Variants in NAA20 observed in about 807,000 individuals in gnomAD.
NAA20 encodes N-alpha-acetyltransferase 20, NatB catalytic subunit, also known as N-alpha-acetyltransferase 20.
In NAA20, 24 loss-of-function variants were observed where a neutral mutation model predicts 23.8. The ratio of observed to expected loss-of-function variants is 1.01; its 90% CI spans 0.73 to 1.42. The LOEUF (loss-of-function observed/expected upper bound fraction) is 1.42. Ranked by LOEUF, NAA20 falls within the 40% of genes most tolerant of loss-of-function variation. NAA20 has a pLI of 0.00. For synonymous variants in NAA20, 83 were observed against 77.7 expected, an observed-to-expected ratio of 1.07 and a Z score of -0.36; for missense variants, 166 against 223.1, an observed-to-expected ratio of 0.74 and a Z score of 1.63.
chr20:20,032,096 T>C (rs1465210272), intron 4 of NAA20, among the ~76,000 whole-genome samples: 3 of 149,010 alleles, frequency 2.0e-5, no homozygotes, highest in Non-Finnish European at 4.4e-5. Context: ...GAATGACTTG[T>C]GCACAAGCCC....
chr20:20,027,024 C>A (rs773680905), intron 4 of NAA20, 105 bp downstream of exon 4: 4 of 1,384,896 alleles, frequency 2.9e-6, no homozygotes, highest in Non-Finnish European at 4.0e-6. Context: ...ACAGGAATTT[C>A]ATCTTCCATC....
chr20:20,019,960 A>T (rs2043256653), intron 1 of NAA20, among the ~76,000 whole-genome samples: 1 of 152,210 alleles, frequency 6.6e-6, no homozygotes, highest in Admixed American at 6.5e-5. Context: ...CTCAGATTAG[A>T]TGATGCAGTT....
At chr20:20,029,487 C>T (rs988219478) in intron 4 of NAA20, among the ~76,000 whole-genome samples, 2 of 151,662 alleles carry the variant, frequency 1.3e-5, no homozygotes, top group Non-Finnish European at 2.9e-5. Context: ...TGTGGTAGCA[C>T]GTGACTGTAA....
chr20:20,024,248 G>A (rs1240168090), intron 2 of NAA20, among the ~76,000 whole-genome samples: 1 of 152,218 alleles, frequency 6.6e-6, no homozygotes, highest in Admixed American at 6.5e-5. Context: ...AGATGGTTAA[G>A]TAAATTAAGC....
intron 4 of NAA20, 139 bp downstream of exon 4, chr20:20,027,058 T>C: frequency 2.5e-6 from 3 of 1,202,030 alleles, no homozygotes; most frequent in Non-Finnish European, 3.5e-6. Context: ...AGAACAATTC[T>C]ATCACATAGT....
At chr20:20,029,243 A>G (rs575903844) in intron 4 of NAA20, among the ~76,000 whole-genome samples, 1 of 152,350 alleles carries the variant, frequency 6.6e-6, no homozygotes, top group South Asian at 2.1e-4. Context: ...AAGTTAGAAT[A>G]CTTATTAATA....
At chr20:20,025,946 G>A (rs767413730) in intron 3 of NAA20, among the ~76,000 whole-genome samples, 179 bp downstream of exon 3, 10 of 151,992 alleles carry the variant, frequency 6.6e-5, no homozygotes, top group Admixed American at 2.6e-4. Flanking sequence ...AGGCGATAAC[G>A]GCAGTGAACC....
chr20:20,018,698 G>A (rs1385607772), intron 1 of NAA20: 1 of 158,882 alleles, frequency 6.3e-6, no homozygotes, highest in African/African-American at 2.4e-5. Context: ...AGAATTTTCT[G>A]TTGGGCCAGT....
rs1255867009 is a variant in NAA20 at position 20,033,116 on chromosome 20, C to G, written c.466C>G (p.Leu156Val). The change falls in exon 6 of 6, where the codon CTT (leucine) becomes GTT (valine). Residue 156 changes from leucine to valine, a missense_variant. By Grantham distance (32) the Leu-to-Val change is conservative (BLOSUM62 1). Coordinates refer to ENST00000334982, the MANE Select transcript of NAA20 (RefSeq NM_016100.5). Reference protein sequence around the residue: ...DEDAYDMRKALSRDTEKKSII... With the variant: ...DEDAYDMRKAVSRDTEKKSII... ...CTTCTTTACAGATATGAGGAAAGCACTTTCCAGGGATACTGAGAAGAAATC... is the reference window on the plus strand; with the variant it reads ...CTTCTTTACAGATATGAGGAAAGCAGTTTCCAGGGATACTGAGAAGAAATC... 6.2e-7 allele frequency: 1 copy of G among 1,613,040 alleles called. No individual in the cohort carries two copies. The highest frequency in any genetic ancestry group is 1.1e-5 in the South Asian group (1 of 91,056).
intron 2 of NAA20, among the ~76,000 whole-genome samples, chr20:20,023,628 G>GT (rs142103574): frequency 0.014 from 2,161 of 152,232 alleles, 115 homozygotes; most frequent in East Asian, 0.13. Context: ...GTTATGCTCT[G>GT]TATCTACTGT....
Position 20,020,441 on chromosome 20 carries a change from C to T in NAA20, c.54-2015C>T, listed in dbSNP as rs1476925664. Among the ~76,000 whole-genome samples, 3 of 152,042 alleles carry T rather than the reference C, an allele frequency of 2.0e-5. No individual in the cohort carries two copies. In the East Asian group the frequency reaches 5.8e-4, roughly 29 times the overall value. ...TAGAGGGAACAGTAAGTGAAGACAC[C>T]CCTGTTTCAAATAGGAGGCAGGCCG... On this transcript the variant is annotated intron_variant, in intron 1 of 5. Transcript: ENST00000334982.
In NAA20 at chr20:20,017,945, A is replaced by G. The variant is rs762164171; in HGVS notation, c.53+496A>G. On this transcript the variant is annotated intron_variant, in intron 1 of 5. Coordinates refer to ENST00000334982, the MANE Select transcript of NAA20 (RefSeq NM_016100.5). ...CTGGTCAGCAGCTGTTGGGATGTGT[A>G]CATCGTGAAGCCCACCTGGTGGCCG... The G allele has an allele frequency of 4.3e-6, 7 of 1,613,006 alleles. No individual in the cohort carries two copies. In the South Asian group the frequency reaches 4.4e-5, roughly 10 times the overall value.
intron 4 of NAA20, among the ~76,000 whole-genome samples, chr20:20,029,112 T>G (rs986498451): frequency 6.6e-6 from 1 of 152,072 alleles, no homozygotes; most frequent in African/African-American, 2.4e-5. Flanking sequence ...TGACTCTATT[T>G]AAAAGACAAA....
intron 1 of NAA20, chr20:20,018,990 A>ACTG (rs2043250501): frequency 2.1e-6 from 2 of 960,724 alleles, no homozygotes; most frequent in African/African-American, 1.8e-5. Flanking sequence ...TTTGCGATCC[A>ACTG]CTGCTCTGGA....
chr20:20,029,652 T>C (rs1470720905), intron 4 of NAA20, among the ~76,000 whole-genome samples: 1 of 150,904 alleles, frequency 6.6e-6, no homozygotes, highest in Non-Finnish European at 1.5e-5. Flanking sequence ...TAAAATGGTA[T>C]ATACCAAGTG....
At chr20:20,026,691 T>A in intron 3 of NAA20, 93 bp from the exon 4 acceptor site, 1 of 1,513,982 alleles carries the variant, frequency 6.6e-7, no homozygotes. Context: ...TTTATTAGTT[T>A]CCTTTGTAAT....
intron 2 of NAA20, among the ~76,000 whole-genome samples, chr20:20,023,030 A>G (rs2043281530): frequency 6.6e-6 from 1 of 151,874 alleles, no homozygotes; most frequent in African/African-American, 2.4e-5. Context: ...TTGGGCCTGT[A>G]CTCCCAGCAC....
intron 4 of NAA20, among the ~76,000 whole-genome samples, chr20:20,028,823 A>G (rs1041411707): frequency 2.0e-5 from 3 of 152,216 alleles, no homozygotes; most frequent in Non-Finnish European, 4.4e-5. Context: ...GAAGAGAAAA[A>G]GGAAATTAAA....
intron 1 of NAA20, 65 bp downstream of exon 1, chr20:20,017,514 C>A: frequency 6.5e-7 from 1 of 1,546,390 alleles, no homozygotes; most frequent in South Asian, 1.2e-5. Flanking sequence ...CCCGCCAGCT[C>A]CGGCCCCAGC....
Sources: gnomAD v4.1 joint callset for allele counts (sites outside exome capture counted in the v4.1 genomes callset) on GRCh38, gnomAD v4.1.1 for gene constraint, MANE v1.5 for transcripts, NCBI Gene and HGNC (gene_info 2026-07-23, HGNC 2026-07-21) for gene names.